The following GSN variants were observed in gnomAD, a reference collection of about 807,000 sequenced individuals.
The protein encoded by GSN is gelsolin.
A neutral mutation model predicts 85.7 loss-of-function variants in GSN; 56 were observed. The ratio of observed to expected loss-of-function variants is 0.65; its 90% CI spans 0.53 to 0.82. GSN has a LOEUF of 0.82. GSN is among the 40% of genes least tolerant of loss of function. The probability of loss-of-function intolerance (pLI) is 0.00; values close to 1 mark genes in which losing one functional copy is unlikely to be tolerated. For missense variants in GSN, 857 were observed against 979.8 expected (o/e 0.87, Z 1.67); for synonymous variants, 373 against 399.1 (o/e 0.93, Z 0.78).
At chr9:121,218,363 G>T (rs567990631) in intron 4 of GSN, among the ~76,000 whole-genome samples, 1 of 152,164 alleles carries the variant, frequency 6.6e-6, no homozygotes, top group African/African-American at 2.4e-5. Flanking sequence ...GGCCAGGCTC[G>T]GTGGCTCATG....
At chr9:121,302,476 T>C (rs2059990131) in intron 3 of GSN, among the ~76,000 whole-genome samples, 1 of 152,090 alleles carries the variant, frequency 6.6e-6, no homozygotes. Context: ...CTCAGAACTG[T>C]GGGTGAATTG....
chr9:121,250,681 G>A (rs1588481953), intron 6 of GSN, among the ~76,000 whole-genome samples: 2 of 151,352 alleles, frequency 1.3e-5, no homozygotes, highest in East Asian at 3.9e-4. Flanking sequence ...GAGACTACAG[G>A]CATGTGCCAC....
chr9:121,311,272 A>G (rs1294935228), intron 5 of GSN: 2 of 270,348 alleles, frequency 7.4e-6, no homozygotes, highest in Non-Finnish European at 1.4e-5. Context: ...CCCATGATCT[A>G]TGGCAATGTG....
At chr9:121,242,334 G>T (rs1176161039) in intron 5 of GSN, among the ~76,000 whole-genome samples, 2 of 152,122 alleles carry the variant, frequency 1.3e-5, no homozygotes, top group Non-Finnish European at 2.9e-5. Context: ...CCCTTAATAC[G>T]GCTTGAATCA....
In GSN at chr9:121,332,630, C is replaced by A. The variant is rs371549019; in HGVS notation, c.*27C>A. On this transcript the variant is annotated 3_prime_UTR_variant, in exon 18 of 18. Transcript: ENST00000432226. This position sits in a 1 kb window ranked among gnomAD's most constrained non-coding sequence, Gnocchi z 4.8. ...GAGGGGCAGGGCCCACCCATGTCAC[C>A]GGTCAGTGCCTTTTGGAACTGTCCT... The A allele has an allele frequency of 1.3e-6, 2 of 1,593,956 alleles. No homozygotes were observed. The highest frequency in any genetic ancestry group is 1.7e-6 in the Non-Finnish European group (2 of 1,165,830).
At chr9:121,267,251 T>C (rs1012949276), upstream of GSN, among the ~76,000 whole-genome samples, 1 of 152,228 alleles carries the variant, frequency 6.6e-6, no homozygotes, top group Admixed American at 6.5e-5. Context: ...ACGGCTATCG[T>C]CTCAAATGCA....
chr9:121,332,373 C>T lies in GSN; in HGVS notation c.2027-61C>T, dbSNP rs2133994667. 2 of 1,440,696 alleles carry T rather than the reference C, an allele frequency of 1.4e-6. No homozygotes were observed. Among genetic ancestry groups the T allele is most frequent in the African/African-American group, 1.4e-5 (1 of 71,724 alleles). 89.2% of individuals were successfully genotyped at this position (1,440,696 alleles called of 1,614,324 possible). A position where few individuals can be genotyped will look rare whatever the true frequency, so the allele number is the denominator to read the frequency against. ...CAACTCCTGTCCTGAGTCACCCTCT[C>T]CCTGGTGTGGGAGGCACTAAGAATT... On this transcript the variant is annotated intron_variant, in intron 17 of 17. Transcript: ENST00000432226. The surrounding 1 kb of genome is among the most constrained non-coding windows in gnomAD (Gnocchi z 4.8).
intron 1 of GSN, among the ~76,000 whole-genome samples, chr9:121,275,669 G>A (rs1291574177): frequency 1.3e-5 from 2 of 152,120 alleles, no homozygotes; most frequent in African/African-American, 4.8e-5. Context: ...CAGTTCCAGT[G>A]GCAGCCAGAA....
chr9:121,205,272 T>A (rs2053864359), upstream of GSN, among the ~76,000 whole-genome samples: 1 of 152,110 alleles, frequency 6.6e-6, no homozygotes, highest in African/African-American at 2.4e-5. Flanking sequence ...TTTAGGGAAA[T>A]TGTAATGTCA....
intron 1 of GSN, among the ~76,000 whole-genome samples, chr9:121,270,390 A>T (rs2055764836): frequency 1.3e-5 from 2 of 152,210 alleles, no homozygotes; most frequent in African/African-American, 4.8e-5. Context: ...TGGAGGCAGG[A>T]AGGCCCTGAG....
chr9:121,312,573 T>A, intron 6 of GSN, 85 bp downstream of exon 6: 2 of 1,090,386 alleles, frequency 1.8e-6, no homozygotes, highest in Non-Finnish European at 2.6e-6. Flanking sequence ...TGAGGTGAAT[T>A]TGAGGAAAAA....
chr9:121,295,613 G>A (rs571717211), intron 2 of GSN, among the ~76,000 whole-genome samples: 31 of 152,280 alleles, frequency 2.0e-4, no homozygotes, highest in Non-Finnish European at 3.7e-4. Flanking sequence ...AGGGGGTCCC[G>A]CAGACATACA....
At chr9:121,270,343 A>G (rs965945260) in intron 1 of GSN, among the ~76,000 whole-genome samples, 7 of 152,202 alleles carry the variant, frequency 4.6e-5, no homozygotes, top group Admixed American at 3.9e-4. Flanking sequence ...GTTATTCTGA[A>G]TGGCTGATGT....
chr9:121,293,150 TG>T (rs2058855203), intron 2 of GSN, among the ~76,000 whole-genome samples: 1 of 152,220 alleles, frequency 6.6e-6, no homozygotes, highest in South Asian at 2.1e-4. Flanking sequence ...GTGGTTGGCC[TG>T]GGGAAGCTTC....
At chr9:121,239,048 G>A in intron 5 of GSN, 1 of 426,910 alleles carries the variant, frequency 2.3e-6, no homozygotes, top group Admixed American at 2.7e-5. Flanking sequence ...AGAGATGGGT[G>A]AATGATATCG....
intron 5 of GSN, among the ~76,000 whole-genome samples, chr9:121,240,615 A>G (rs2054585082): frequency 6.6e-6 from 1 of 152,190 alleles, no homozygotes; most frequent in Non-Finnish European, 1.5e-5. Context: ...CAGTTGGGTT[A>G]GCTTGTGGTG....
Position 121,312,340 on chromosome 9 carries a change from AC to A in GSN, c.516del (p.Asn172LysfsTer16). ...ACTTCCTGGGTCTCTGTCTTCCAGA[AC>A]ATCCACCAGTGGTGTGGTTCCAACA... is the stretch of plus-strand genomic sequence containing the variant. ...GDCFILDLGN[N>X]IHQWCGSNSN... On this transcript the variant is annotated frameshift_variant and splice_region_variant, in exon 6 of 18. Transcript: ENST00000432226. LOFTEE classifies it high-confidence loss of function. The A allele has an allele frequency of 6.2e-7, 1 of 1,614,130 alleles. No homozygotes were observed.
chr9:121,300,260 T>G (rs893031536), intron 2 of GSN: 5 of 667,034 alleles, frequency 7.5e-6, no homozygotes, highest in Non-Finnish European at 1.4e-5. Flanking sequence ...CTCTAACATC[T>G]TACCTCCTGT....
At chr9:121,242,955 C>G (rs1053244788) in intron 5 of GSN, among the ~76,000 whole-genome samples, 28 of 152,168 alleles carry the variant, frequency 1.8e-4, no homozygotes, top group African/African-American at 6.8e-4. Context: ...ACATCTCTGG[C>G]AGGAACATAA....
Sources: gnomAD v4.1 joint callset for allele counts (sites outside exome capture counted in the v4.1 genomes callset) on GRCh38, gnomAD v4.1.1 for gene constraint, Gnocchi (gnomAD v3.1) non-coding constraint, MANE v1.5 for transcripts, NCBI Gene and HGNC (gene_info 2026-07-23, HGNC 2026-07-21) for gene names.